WBP1L: variants seen among roughly 807,000 people sequenced by gnomAD.
WBP1L encodes the protein WW domain binding protein 1 like.
A neutral mutation model predicts 33.7 loss-of-function variants in WBP1L; 17 were observed. The observed-to-expected ratio is 0.50, with a 90% CI of 0.34 to 0.76. The LOEUF is 0.76. Ranked by LOEUF, WBP1L falls within the 30% of genes least tolerant of loss-of-function variation. WBP1L has a pLI of 0.01. For missense variants in WBP1L, 389 were observed against 469.4 expected, an observed-to-expected ratio of 0.83 and a Z score of 1.58; for synonymous variants, 173 against 190.8, an observed-to-expected ratio of 0.91 and a Z score of 0.77.
chr10:102,761,753 T>C (rs1037063713), intron 1 of WBP1L, among the ~76,000 whole-genome samples: 1 of 151,802 alleles, frequency 6.6e-6, no homozygotes, highest in African/African-American at 2.4e-5. Flanking sequence ...TTCACCATGT[T>C]GGCCAGGCTT....
At chr10:102,761,391 C>T (rs977815411) in intron 1 of WBP1L, among the ~76,000 whole-genome samples, 5 of 151,826 alleles carry the variant, frequency 3.3e-5, no homozygotes, top group African/African-American at 7.3e-5. Context: ...CTGCCTGCCT[C>T]GGCCTCCCAA....
chr10:102,782,696 A>C (rs1230290384), intron 1 of WBP1L, among the ~76,000 whole-genome samples: 1 of 152,048 alleles, frequency 6.6e-6, no homozygotes, highest in South Asian at 2.1e-4. Flanking sequence ...CCTGAACTTG[A>C]ACCCCAGACC....
In WBP1L at chr10:102,812,926, G is replaced by A. The variant is rs138842285; in HGVS notation, c.687G>A (p.Pro229=). Residue 229 remains proline, a synonymous_variant, in exon 4 of 4, where the codon CCG becomes CCA. Transcript: ENST00000448841. ...GSVAGLGELD[P]GAFLDKDAEC... ...TGGCTGGCCTGGGGGAGCTGGACCCGGGGGCCTTCCTGGACAAAGATGCAG... is the reference window on the plus strand; with the variant it reads ...TGGCTGGCCTGGGGGAGCTGGACCCAGGGGCCTTCCTGGACAAAGATGCAG... 3.5e-5 allele frequency: 55 copies of A among 1,589,926 alleles called. No homozygotes were observed. Among genetic ancestry groups the A allele is most frequent in the East Asian group, 6.7e-5 (3 of 44,610 alleles).
intron 1 of WBP1L, among the ~76,000 whole-genome samples, chr10:102,756,866 C>T (rs567132876): frequency 4.0e-4 from 60 of 151,332 alleles, no homozygotes; most frequent in South Asian, 3.3e-3. Context: ...CCCAGGAGTT[C>T]GAGACCAGCC....
rs150926345 is a variant in WBP1L at position 102,810,443 on chromosome 10, C to T, written c.355+389C>T. 9.5e-4 allele frequency among the ~76,000 whole-genome samples: 135 copies of T among 142,274 alleles called. 1 individual carries two copies. The highest frequency in any genetic ancestry group is 3.4e-3 in the African/African-American group (130 of 38,414). The allele number at this position is 142,274 out of a possible 152,430, so 93.3% of individuals were successfully genotyped here. A position where few individuals can be genotyped will look rare whatever the true frequency, so the allele number is the denominator to read the frequency against. On this transcript the variant is annotated intron_variant, in intron 3 of 3. Transcript: ENST00000448841. ...CCTGCCTGCCTGCCTTTCCATCCCT[C>T]CCTCCCTCCCTTCTTTTCCTTCCTT...
At chr10:102,757,298 A>G (rs925647323) in intron 1 of WBP1L, among the ~76,000 whole-genome samples, 1 of 152,184 alleles carries the variant, frequency 6.6e-6, no homozygotes, top group African/African-American at 2.4e-5. Flanking sequence ...CTGGGATTAC[A>G]GGCACAAGTC....
At chr10:102,786,730 T>C (rs958779866) in intron 1 of WBP1L, among the ~76,000 whole-genome samples, 2 of 152,248 alleles carry the variant, frequency 1.3e-5, no homozygotes, top group Non-Finnish European at 2.9e-5. Flanking sequence ...CAGGATGCCC[T>C]GTGGGTTGAA....
chr10:102,766,004 G>A (rs1346284952), intron 1 of WBP1L, among the ~76,000 whole-genome samples: 1 of 152,196 alleles, frequency 6.6e-6, no homozygotes, highest in South Asian at 2.1e-4. Flanking sequence ...GATGAAATCA[G>A]ATTGGTGGAG....
chr10:102,790,214 T>A (rs1253609733), intron 1 of WBP1L, among the ~76,000 whole-genome samples: 1 of 152,204 alleles, frequency 6.6e-6, no homozygotes, highest in East Asian at 1.9e-4. Context: ...TTCATCAATT[T>A]CCTCTTTAAC....
chr10:102,785,797 A>G (rs1469779640), intron 1 of WBP1L, among the ~76,000 whole-genome samples: 1 of 152,140 alleles, frequency 6.6e-6, no homozygotes, highest in Admixed American at 6.5e-5. Context: ...TTCTCAATGG[A>G]CTTACTCTGT....
intron 1 of WBP1L, among the ~76,000 whole-genome samples, chr10:102,787,132 T>A (rs549818085): frequency 1.3e-5 from 2 of 152,344 alleles, no homozygotes; most frequent in South Asian, 4.1e-4. Flanking sequence ...TCCCATTGCA[T>A]GCAAGACAAA....
rs1186851584 is a variant in WBP1L at position 102,768,668 on chromosome 10, C to T, written c.90+24525C>T. 7.7e-4 allele frequency among the ~76,000 whole-genome samples: 17 copies of T among 22,216 alleles called. 4 individuals carry two copies. Among genetic ancestry groups the T allele is most frequent in the Non-Finnish European group, 1.2e-3 (14 of 11,708 alleles). The allele number at this position is 22,216 out of a possible 152,430, so 14.6% of individuals were successfully genotyped here. A position where few individuals can be genotyped will look rare whatever the true frequency, so the allele number is the denominator to read the frequency against. ...CCTCCCAAAGTGCTGGGATTACAGGCGTGAGCCACCGCGCCCGGCCAGTTT... is the reference window on the plus strand; with the variant it reads ...CCTCCCAAAGTGCTGGGATTACAGGTGTGAGCCACCGCGCCCGGCCAGTTT... On this transcript the variant is annotated intron_variant, in intron 1 of 3. Coordinates refer to ENST00000448841, the MANE Select transcript of WBP1L (RefSeq NM_001083913.2).
chr10:102,759,885 G>A (rs1843016822), intron 1 of WBP1L, among the ~76,000 whole-genome samples: 1 of 152,194 alleles, frequency 6.6e-6, no homozygotes, highest in Non-Finnish European at 1.5e-5. Context: ...TATATACCTA[G>A]TAGTGGAATT....
chr10:102,802,414 T>C (rs566060967), intron 2 of WBP1L, among the ~76,000 whole-genome samples: 15 of 146,842 alleles, frequency 1.0e-4, no homozygotes, highest in African/African-American at 3.7e-4. Flanking sequence ...AAGATACCCA[T>C]TGTTAGCAAG....
At chr10:102,749,574 A>G (rs1318041049) in intron 1 of WBP1L, among the ~76,000 whole-genome samples, 1 of 151,850 alleles carries the variant, frequency 6.6e-6, no homozygotes, top group Admixed American at 6.6e-5. Context: ...TTGGCCTCCC[A>G]AAGTGTTTGG....
chr10:102,757,886 C>T (rs60620433), intron 1 of WBP1L, among the ~76,000 whole-genome samples: 9,697 of 31,040 alleles, frequency 0.31, 1,077 homozygotes, highest in East Asian at 0.41. Flanking sequence ...TCCCCCCCCC[C>T]CTTTTTTTTT....
intron 1 of WBP1L, among the ~76,000 whole-genome samples, chr10:102,794,915 T>TA (rs1246549912): frequency 6.6e-6 from 1 of 152,106 alleles, no homozygotes; most frequent in Admixed American, 6.5e-5. Context: ...TTGCTAGAGG[T>TA]ACACCTTCTT....
intron 1 of WBP1L, among the ~76,000 whole-genome samples, chr10:102,770,540 G>A (rs1163166182): frequency 6.6e-6 from 1 of 152,222 alleles, no homozygotes; most frequent in South Asian, 2.1e-4. Flanking sequence ...GATGGCAAAG[G>A]TGTGGGAACA....
chr10:102,777,330 G>A (rs942765902), intron 1 of WBP1L, among the ~76,000 whole-genome samples: 2 of 152,142 alleles, frequency 1.3e-5, no homozygotes, highest in African/African-American at 2.4e-5. Context: ...CACAGCAGAA[G>A]CCCTAGAGGG....
Sources: gnomAD v4.1 joint callset for allele counts (sites outside exome capture counted in the v4.1 genomes callset) on GRCh38, gnomAD v4.1.1 for gene constraint, MANE v1.5 for transcripts, NCBI Gene and HGNC (gene_info 2026-07-23, HGNC 2026-07-21) for gene names.